The following PDE4D variants were observed in gnomAD, a reference collection of about 807,000 sequenced individuals.
The protein encoded by PDE4D is phosphodiesterase 4D, also known as 3',5'-cyclic-AMP phosphodiesterase 4D.
In PDE4D, 24 loss-of-function variants were observed where a neutral mutation model predicts 87.4. The observed-to-expected ratio is 0.27, with a 90% CI of 0.20 to 0.39. The LOEUF is 0.39. PDE4D is among the 10% of genes least tolerant of loss of function. The pLI, the probability that PDE4D is intolerant of heterozygous loss-of-function variation, is 1.00. For synonymous variants in PDE4D, 384 were observed against 383.2 expected (o/e 1.00, Z -0.02); for missense variants, 714 against 1,041.0 (o/e 0.69, Z 4.32).
intron 1 of PDE4D, among the ~76,000 whole-genome samples, chr5:59,819,863 T>C (rs557765078): frequency 1.3e-5 from 2 of 152,308 alleles, no homozygotes; most frequent in East Asian, 3.9e-4. Flanking sequence ...TGCAGTAGAA[T>C]GTGTTGATTT....
At chr5:59,564,010 G>A (rs963106899) in intron 1 of PDE4D, among the ~76,000 whole-genome samples, 2 of 152,162 alleles carry the variant, frequency 1.3e-5, no homozygotes, top group Non-Finnish European at 2.9e-5. Flanking sequence ...TGATGTGGAG[G>A]AAGGGAGCAT....
chr5:59,071,683 C>CTTTTTTTTTTTTTT (rs10701223), intron 5 of PDE4D, among the ~76,000 whole-genome samples: 4 of 82,402 alleles, frequency 4.9e-5, no homozygotes, highest in Admixed American at 2.0e-4. Context: ...TATTTCTCTT[C>CTTTTTTTTTTTTTT]TTTTTTTTTT....
At chr5:60,270,261 A>G (rs1470226409) in intron 1 of PDE4D, among the ~76,000 whole-genome samples, 1 of 152,210 alleles carries the variant, frequency 6.6e-6, no homozygotes, top group East Asian at 1.9e-4. Context: ...ATCCCCAAAA[A>G]GCAACTGATA....
At chr5:60,046,211 G>A (rs1769224668) in intron 2 of PDE4D, among the ~76,000 whole-genome samples, 1 of 152,168 alleles carries the variant, frequency 6.6e-6, no homozygotes, top group African/African-American at 2.4e-5. Flanking sequence ...TTTGTACATT[G>A]ATTTTGTATC....
chr5:59,136,561 A>T (rs1580998464), intron 5 of PDE4D, among the ~76,000 whole-genome samples: 1 of 152,324 alleles, frequency 6.6e-6, no homozygotes, highest in East Asian at 1.9e-4. Context: ...AATGATCATT[A>T]TCTCTAGATC....
chr5:59,436,039 T>A (rs1449883026), intron 1 of PDE4D, among the ~76,000 whole-genome samples: 1 of 152,176 alleles, frequency 6.6e-6, no homozygotes, highest in African/African-American at 2.4e-5. Flanking sequence ...ATAAGCTCAG[T>A]ATAATGCCAT....
chr5:60,209,784 A>C (rs1339954440), intron 1 of PDE4D, among the ~76,000 whole-genome samples: 2 of 152,110 alleles, frequency 1.3e-5, no homozygotes, highest in Non-Finnish European at 2.9e-5. Flanking sequence ...CAGAAAGATC[A>C]TGAAGGCAAG....
chr5:60,034,870 TCAGAC>T (rs2152862537), intron 2 of PDE4D, among the ~76,000 whole-genome samples: 1 of 152,202 alleles, frequency 6.6e-6, no homozygotes, highest in South Asian at 2.1e-4. Context: ...TCAGCATGGG[TCAGAC>T]ACAGTTCTGA....
intron 1 of PDE4D, chr5:60,372,475 C>T (rs1383197263): frequency 6.6e-6 from 1 of 152,298 alleles, no homozygotes; most frequent in South Asian, 2.1e-4. Context: ...CCTGCAATAT[C>T]CAGTCTGACA....
intron 1 of PDE4D, among the ~76,000 whole-genome samples, chr5:59,256,785 T>A (rs1281728688): frequency 2.0e-5 from 3 of 152,110 alleles, no homozygotes; most frequent in Non-Finnish European, 4.4e-5. Flanking sequence ...AACCCTGTTA[T>A]TCATTATGGT....
intron 1 of PDE4D, among the ~76,000 whole-genome samples, chr5:59,619,405 G>A (rs1050485532): frequency 2.0e-5 from 3 of 152,194 alleles, no homozygotes; most frequent in Admixed American, 6.5e-5. Flanking sequence ...AGGCATGGAT[G>A]TGAAGAAGAC....
At chr5:60,056,180 T>C (rs957727926) in intron 2 of PDE4D, among the ~76,000 whole-genome samples, 4 of 152,060 alleles carry the variant, frequency 2.6e-5, no homozygotes, top group African/African-American at 9.7e-5. Flanking sequence ...GATTTCTTCA[T>C]TGTAAGTAAG....
At position 60,193,689 on chromosome 5, in the gene PDE4D, A is replaced by AAAAG. The variant is rs1382427939; in HGVS notation, c.-89-8006_-89-8003dup. Among the ~76,000 whole-genome samples the AAAAG allele has an allele frequency of 1.9e-3, 274 of 146,986 alleles. 1 individual carries two copies. Among genetic ancestry groups the AAAAG allele is most frequent in the African/African-American group, 6.3e-3 (247 of 38,954 alleles). ...CGTCTCAAAAAAAAAAAAAAAAAAA[A>AAAAG]AAAGAAAGAAAAAGAAAAAAAGAAA... On this transcript the variant is annotated intron_variant, in intron 1 of 16. Coordinates refer to the PDE4D transcript ENST00000502484.
intron 5 of PDE4D, among the ~76,000 whole-genome samples, chr5:59,063,808 T>C (rs990157488): frequency 5.9e-5 from 9 of 152,152 alleles, no homozygotes; most frequent in Non-Finnish European, 1.3e-4. Context: ...TCAGTTTTGT[T>C]TGGCAATGGC....
At chr5:59,765,414 G>T (rs1280100863) in intron 1 of PDE4D, among the ~76,000 whole-genome samples, 2 of 152,074 alleles carry the variant, frequency 1.3e-5, no homozygotes, top group African/African-American at 2.4e-5. Flanking sequence ...TGGCATAGAG[G>T]GTAAATCAGA....
At chr5:59,889,546 C>T (rs1352795106) in intron 1 of PDE4D, among the ~76,000 whole-genome samples, 1 of 152,060 alleles carries the variant, frequency 6.6e-6, no homozygotes, top group East Asian at 1.9e-4. Context: ...AATCAAATGT[C>T]CCCTTCTGGA....
At chr5:59,720,908 T>C (rs553444355) in intron 1 of PDE4D, among the ~76,000 whole-genome samples, 1 of 152,296 alleles carries the variant, frequency 6.6e-6, no homozygotes, top group African/African-American at 2.4e-5. Context: ...ATTTGCTTGA[T>C]AAGAATCACT....
At chr5:59,323,906 C>T (rs531446869) in intron 1 of PDE4D, among the ~76,000 whole-genome samples, 1 of 152,096 alleles carries the variant, frequency 6.6e-6, no homozygotes, top group Non-Finnish European at 1.5e-5. Flanking sequence ...TTATGATCTA[C>T]AGTTTACCTC....
At chr5:60,209,155 T>C (rs1330074152) in intron 1 of PDE4D, among the ~76,000 whole-genome samples, 7 of 151,842 alleles carry the variant, frequency 4.6e-5, no homozygotes, top group African/African-American at 1.5e-4. Context: ...GAAATCCTGC[T>C]TGTCCCCAAG....
Sources: gnomAD v4.1 joint callset for allele counts (sites outside exome capture counted in the v4.1 genomes callset) on GRCh38, gnomAD v4.1.1 for gene constraint, MANE v1.5 for transcripts, NCBI Gene and HGNC (gene_info 2026-07-23, HGNC 2026-07-21) for gene names.